Variants in RUFY4 observed in about 807,000 individuals in gnomAD.
RUFY4 encodes RUN and FYVE domain-containing protein 4.
In RUFY4, 73 loss-of-function variants were observed where a neutral mutation model predicts 69.0. The observed-to-expected ratio is 1.06, with a 90% CI of 0.88 to 1.29. The LOEUF is 1.29. Ranked by LOEUF, RUFY4 falls within the 50% of genes most tolerant of loss-of-function variation. The pLI, the probability that RUFY4 is intolerant of heterozygous loss-of-function variation, is 0.00. For missense variants in RUFY4, 770 were observed against 705.6 expected, an observed-to-expected ratio of 1.09 and a Z score of -1.03; for synonymous variants, 287 against 271.8, an observed-to-expected ratio of 1.06 and a Z score of -0.55.
chr2:218,044,583 T>A (rs910621754), intron 2 of RUFY4, among the ~76,000 whole-genome samples: 1 of 152,166 alleles, frequency 6.6e-6, no homozygotes, highest in Non-Finnish European at 1.5e-5. Flanking sequence ...TCCTTTTTCT[T>A]TCTCCTCCCA....
At chr2:218,060,308 A>AC in intron 3 of RUFY4, 1 of 1,501,264 alleles carries the variant, frequency 6.7e-7, no homozygotes, top group Non-Finnish European at 8.9e-7. Flanking sequence ...GAAGGGAGGA[A>AC]CCCCACGGGA....
intron 8 of RUFY4, among the ~76,000 whole-genome samples, chr2:218,081,195 A>G (rs1689752951): frequency 6.6e-6 from 1 of 152,092 alleles, no homozygotes; most frequent in Non-Finnish European, 1.5e-5. Context: ...ACTGACAGAC[A>G]GCTCAGGTCC....
At chr2:218,076,288 C>A in intron 7 of RUFY4, 139 bp from the exon 10 acceptor site, 1 of 1,359,010 alleles carries the variant, frequency 7.4e-7, no homozygotes, top group Non-Finnish European at 9.7e-7. Flanking sequence ...CAGAGCCAGG[C>A]ATCACAGCTC....
At position 218,075,468 on chromosome 2, in the gene RUFY4, CAG is replaced by C; in HGVS notation, c.980_981del (p.Arg327AsnfsTer42). 1 of 1,603,898 alleles carries C rather than the reference CAG, an allele frequency of 6.2e-7. No homozygotes were observed. Among genetic ancestry groups the C allele is most frequent in the Non-Finnish European group, 8.5e-7 (1 of 1,174,760 alleles). On this transcript the variant is annotated frameshift_variant, in exon 7 of 11. Transcript: ENST00000344321. LOFTEE classifies it high-confidence loss of function. ...AGGGGTTCTGCTGGTTGCAGAGGGT[CAG>C]AGAACAACAGAGGGGACTCACAAAA...
chr2:218,075,882 G>A, intron 7 of RUFY4, 142 bp downstream of exon 9: 2 of 830,338 alleles, frequency 2.4e-6, no homozygotes, highest in Non-Finnish European at 3.4e-6. Flanking sequence ...ATTTGGGGAT[G>A]CCTTTGAAAG....
chr2:218,076,310 C>A, intron 7 of RUFY4, 117 bp from the exon 10 acceptor site: 1 of 1,451,732 alleles, frequency 6.9e-7, no homozygotes, highest in East Asian at 2.6e-5. Flanking sequence ...CAGCACTGTC[C>A]CCAGCCCTGC....
chr2:218,070,967 C>G (rs1689471937), intron 2 of RUFY4, 108 bp downstream of exon 4: 1 of 765,314 alleles, frequency 1.3e-6, no homozygotes, highest in Admixed American at 2.7e-5. Flanking sequence ...TTACCATGCA[C>G]TGTGTCATCT....
chr2:218,083,128 C>A, exon 9 of RUFY4: 1 of 1,613,230 alleles, frequency 6.2e-7, no homozygotes, highest in Non-Finnish European at 8.5e-7. Context: ...AAGAGAGAGC[C>A]GAGCTGCAGG....
intron 2 of RUFY4, among the ~76,000 whole-genome samples, chr2:218,049,817 C>T (rs1688906407): frequency 6.6e-6 from 1 of 152,178 alleles, no homozygotes; most frequent in Non-Finnish European, 1.5e-5. Context: ...TAGGTCCTTT[C>T]TTTATCTTTG....
At chr2:218,056,423 C>G (rs1021217934) in intron 2 of RUFY4, among the ~76,000 whole-genome samples, 2 of 151,982 alleles carry the variant, frequency 1.3e-5, no homozygotes, top group African/African-American at 4.8e-5. Flanking sequence ...TTTTTTCCCC[C>G]ACTTCTGGTC....
chr2:218,066,064 A>G (rs746490633), upstream of RUFY4, among the ~76,000 whole-genome samples: 10 of 152,116 alleles, frequency 6.6e-5, no homozygotes, highest in Non-Finnish European at 1.5e-4. Flanking sequence ...CCAGGACCCC[A>G]TAGAAGAGAC....
intron 2 of RUFY4, among the ~76,000 whole-genome samples, chr2:218,038,265 G>C (rs61164127): frequency 0.073 from 11,032 of 151,536 alleles, 1,309 homozygotes; most frequent in African/African-American, 0.25. Context: ...AAAAACACCA[G>C]AAAAAAAAGC....
chr2:218,060,747 C>A (rs749140371), intron 3 of RUFY4: 1 of 1,475,718 alleles, frequency 6.8e-7, no homozygotes, highest in South Asian at 1.1e-5. Flanking sequence ...ACAGCATGAT[C>A]GCAGCGGCAC....
chr2:218,036,919 A>G (rs1431121921), intron 2 of RUFY4, among the ~76,000 whole-genome samples: 3 of 152,256 alleles, frequency 2.0e-5, no homozygotes, highest in Admixed American at 6.5e-5. Context: ...GCTCCAGCTT[A>G]TAAGGCTTCA....
intron 2 of RUFY4, 113 bp from the exon 5 acceptor site, chr2:218,072,261 G>T: frequency 1.5e-6 from 2 of 1,314,066 alleles, no homozygotes; most frequent in South Asian, 1.4e-5. Flanking sequence ...TGGATGCCGG[G>T]TGTGTCTGCA....
intron 9 of RUFY4, among the ~76,000 whole-genome samples, chr2:218,088,844 T>C (rs1689956489): frequency 6.6e-6 from 1 of 152,100 alleles, no homozygotes; most frequent in Non-Finnish European, 1.5e-5. Flanking sequence ...ATTTTCTCTG[T>C]CTCTGTGTCT....
upstream of RUFY4, among the ~76,000 whole-genome samples, chr2:218,065,008 C>T (rs60316131): frequency 0.18 from 26,881 of 152,022 alleles, 3,323 homozygotes; most frequent in African/African-American, 0.35. Context: ...GCAGTCCTAG[C>T]GCAAGTTCTG....
intron 2 of RUFY4, among the ~76,000 whole-genome samples, chr2:218,054,352 C>T (rs148843082): frequency 1.9e-4 from 29 of 152,080 alleles, no homozygotes; most frequent in African/African-American, 7.0e-4. Flanking sequence ...GTCAGGTGCT[C>T]GAGACCAGCC....
intron 6 of RUFY4, 95 bp from the exon 9 acceptor site, chr2:218,074,998 C>A: frequency 7.6e-7 from 1 of 1,312,708 alleles, no homozygotes; most frequent in Non-Finnish European, 1.0e-6. Context: ...ATCTATTTAG[C>A]AAGCTGATTA....
Sources: gnomAD v4.1 joint callset for allele counts (sites outside exome capture counted in the v4.1 genomes callset) on GRCh38, gnomAD v4.1.1 for gene constraint, MANE v1.5 for transcripts, NCBI Gene and HGNC (gene_info 2026-07-23, HGNC 2026-07-21) for gene names.